Variants in YEATS2 observed in about 807,000 individuals in gnomAD.
YEATS2 encodes the protein YEATS domain containing 2, also known as YEATS domain-containing protein 2.
A neutral mutation model predicts 163.2 loss-of-function variants in YEATS2; 77 were observed. The ratio of observed to expected loss-of-function variants is 0.47; its 90% CI spans 0.39 to 0.57. The LOEUF (loss-of-function observed/expected upper bound fraction) is 0.57, where lower values mean the gene tolerates loss of function less well. Among genes scored for constraint, YEATS2 ranks in the 20% least tolerant of loss-of-function variants. The probability of loss-of-function intolerance (pLI) is 0.00; values close to 1 mark genes in which losing one functional copy is unlikely to be tolerated. For synonymous variants in YEATS2, 631 were observed against 645.1 expected (o/e 0.98, Z 0.33); for missense variants, 1,549 against 1,729.8 (o/e 0.90, Z 1.85).
At chr3:183,705,899 G>A (rs1415664101) in intron 1 of YEATS2, among the ~76,000 whole-genome samples, 1 of 152,052 alleles carries the variant, frequency 6.6e-6, no homozygotes, top group African/African-American at 2.4e-5. Flanking sequence ...AATTAGCCAG[G>A]CATGGTGGCG....
intron 25 of YEATS2, chr3:183,801,937 C>A (rs758691432): frequency 1.3e-4 from 20 of 159,734 alleles, no homozygotes; most frequent in Admixed American, 3.8e-4. Context: ...TCTCCACTTA[C>A]AGATGAGGAA....
At position 183,800,568 on chromosome 3, in the gene YEATS2, A is replaced by T; in HGVS notation, c.3428A>T (p.Lys1143Met). 1 of 1,612,738 alleles carries T rather than the reference A, an allele frequency of 6.2e-7. No individual in the cohort carries two copies. ...TCTGAGCTGGGAAACTATGTCATTA[A>T]GTAATTCTTCCAATCTTTCCTAAAG... ...ESSELGNYVI[K>M]IDHLETIQQL... The change falls in exon 24 of 31, where the codon AAG (lysine) becomes ATG (methionine). Residue 1143 changes from lysine (K) to methionine (M), a missense_variant and splice_region_variant. Lys to Met is a moderately conservative substitution (Grantham distance 95). Coordinates refer to ENST00000305135, the MANE Select transcript of YEATS2 (RefSeq NM_018023.5).
intron 23 of YEATS2, 24 bp from the exon 24 acceptor site, chr3:183,800,442 C>T (rs563732243): frequency 6.3e-7 from 1 of 1,587,832 alleles, no homozygotes; most frequent in Non-Finnish European, 8.6e-7. Flanking sequence ...TAACAGCTGC[C>T]TCTTTGTTGC....
chr3:183,722,055 C>G lies in YEATS2; in HGVS notation c.456C>G (p.Asp152Glu). The G allele has an allele frequency of 6.2e-7, 1 of 1,613,862 alleles. No homozygotes were observed. The highest frequency in any genetic ancestry group is 8.5e-7 in the Non-Finnish European group (1 of 1,179,968). The change falls in exon 5 of 31, where the codon GAC becomes GAG. Residue 152 changes from aspartate to glutamate, a missense_variant. Transcript: ENST00000305135. The stretch of plus-strand genomic sequence containing the variant: ...CTCAGCACAATGACTTCTTATCTGA[C>G]AAAGATAATAACAGCAATATGGATA... ...SLSQHNDFLSDKDNNSNMDIE... is the reference protein window; with the variant it reads ...SLSQHNDFLSEKDNNSNMDIE...
chr3:183,812,072 A>G lies in YEATS2; in HGVS notation c.*1489A>G, dbSNP rs934312503. On this transcript the variant is annotated 3_prime_UTR_variant, in exon 31 of 31. Transcript: ENST00000305135. ...AACATGGTGAAACCCCGTCTCTACT[A>G]AAAATACAGAAAATTAGCTGGGCAT... is the stretch of plus-strand genomic sequence containing the variant. The G allele has an allele frequency of 6.6e-6, 1 of 152,280 alleles. No individual in the cohort carries two copies. The allele number at this position is 152,280 out of a possible 1,614,324, so 9.4% of individuals were successfully genotyped here.
At chr3:183,709,901 T>C (rs990106438) in intron 1 of YEATS2, among the ~76,000 whole-genome samples, 1 of 151,368 alleles carries the variant, frequency 6.6e-6, no homozygotes, top group African/African-American at 2.4e-5. Flanking sequence ...AGGATGGTCT[T>C]CATCTCCTGA....
At chr3:183,724,813 G>A (rs567355245) in intron 6 of YEATS2, among the ~76,000 whole-genome samples, 5 of 152,198 alleles carry the variant, frequency 3.3e-5, no homozygotes, top group African/African-American at 7.2e-5. Flanking sequence ...CATGATCTTG[G>A]TTCACCGCAA....
chr3:183,810,263 CTAAT>C (rs928917632), intron 30 of YEATS2: 5 of 491,924 alleles, frequency 1.0e-5, no homozygotes, highest in African/African-American at 3.9e-5. Context: ...ATCTTTTTTC[CTAAT>C]TATTCAACCA....
chr3:183,759,042 A>G (rs1721068500), intron 13 of YEATS2, 77 bp downstream of exon 13: 1 of 1,019,436 alleles, frequency 9.8e-7, no homozygotes. Flanking sequence ...TTTCAAATGG[A>G]GATGGGGTCT....
chr3:183,733,233 A>G (rs552661566), intron 7 of YEATS2, among the ~76,000 whole-genome samples: 60 of 152,366 alleles, frequency 3.9e-4, no homozygotes, highest in African/African-American at 1.3e-3. Context: ...TATTGAGCAG[A>G]GATCTAACTT....
chr3:183,791,940 A>C (rs1444039366), intron 21 of YEATS2, among the ~76,000 whole-genome samples: 2 of 152,138 alleles, frequency 1.3e-5, no homozygotes, highest in African/African-American at 2.4e-5. Flanking sequence ...TGATAATAAT[A>C]CCTACTTCAT....
intron 1 of YEATS2, among the ~76,000 whole-genome samples, chr3:183,706,995 A>G (rs959169421): frequency 6.6e-6 from 1 of 152,196 alleles, no homozygotes; most frequent in African/African-American, 2.4e-5. Context: ...ATTATTTAAA[A>G]TGTTGTATAA....
chr3:183,727,113 G>GT (rs1363401150), intron 6 of YEATS2, among the ~76,000 whole-genome samples: 1 of 151,930 alleles, frequency 6.6e-6, no homozygotes, highest in Non-Finnish European at 1.5e-5. Context: ...GTCTGGCTTT[G>GT]TACCCTAACA....
intron 1 of YEATS2, among the ~76,000 whole-genome samples, chr3:183,707,896 G>A (rs1052199185): frequency 6.6e-6 from 1 of 151,584 alleles, no homozygotes; most frequent in East Asian, 2.0e-4. Context: ...GGCCGGTCTC[G>A]AACTCCTGAC....
At chr3:183,803,858 AGG>A in intron 26 of YEATS2, 127 bp from the exon 27 acceptor site, 1 of 919,060 alleles carries the variant, frequency 1.1e-6, no homozygotes, top group Non-Finnish European at 1.6e-6. Context: ...TAACACAACC[AGG>A]TTTTTTTCTT....
At chr3:183,793,136 G>A (rs765048061) in intron 21 of YEATS2, 25 of 1,287,986 alleles carry the variant, frequency 1.9e-5, no homozygotes, top group South Asian at 6.2e-5. Flanking sequence ...GCCAGCATAC[G>A]GCTGGCACTG....
At chr3:183,700,475 G>A (rs1280003522) in intron 1 of YEATS2, among the ~76,000 whole-genome samples, 6 of 152,010 alleles carry the variant, frequency 3.9e-5, no homozygotes, top group Non-Finnish European at 8.8e-5. Context: ...CCTGCCTTTG[G>A]TCCTGCTCTG....
At chr3:183,774,123 T>C (rs1034998265) in intron 17 of YEATS2, among the ~76,000 whole-genome samples, 4 of 152,194 alleles carry the variant, frequency 2.6e-5, no homozygotes, top group African/African-American at 7.2e-5. Context: ...CATCTACTTA[T>C]AGAAGCTGGA....
chr3:183,706,266 A>G (rs886567162), intron 1 of YEATS2, among the ~76,000 whole-genome samples: 3 of 151,994 alleles, frequency 2.0e-5, no homozygotes, highest in African/African-American at 7.2e-5. Context: ...TTGGGAGTAT[A>G]TTTGAGGGAT....
Sources: allele counts gnomAD v4.1 joint callset (sites outside exome capture counted in the v4.1 genomes callset), GRCh38; gene constraint gnomAD v4.1.1; transcripts MANE v1.5; gene names NCBI Gene and HGNC (gene_info 2026-07-23, HGNC 2026-07-21).